CNTNAP5: variants seen among roughly 807,000 people sequenced by gnomAD.
CNTNAP5 encodes the protein contactin associated protein family member 5.
A neutral mutation model predicts 150.2 loss-of-function variants in CNTNAP5; 72 were observed. The ratio of observed to expected loss-of-function variants is 0.48; its 90% CI spans 0.40 to 0.58. The LOEUF (loss-of-function observed/expected upper bound fraction) is 0.58. Among genes scored for constraint, CNTNAP5 ranks in the 20% least tolerant of loss-of-function variants. CNTNAP5 has a pLI of 0.00. For missense variants in CNTNAP5, 1,636 were observed against 1,626.2 expected, an observed-to-expected ratio of 1.01 and a Z score of -0.10; for synonymous variants, 672 against 619.8, an observed-to-expected ratio of 1.08 and a Z score of -1.25.
At chr2:124,207,269 G>C (rs989064198) in intron 1 of CNTNAP5, among the ~76,000 whole-genome samples, 2 of 152,174 alleles carry the variant, frequency 1.3e-5, no homozygotes, top group African/African-American at 4.8e-5. Flanking sequence ...AACCACTTGA[G>C]ATGGAGCTAA....
At chr2:124,276,317 A>T (rs1687882832) in intron 3 of CNTNAP5, among the ~76,000 whole-genome samples, 1 of 152,210 alleles carries the variant, frequency 6.6e-6, no homozygotes, top group African/African-American at 2.4e-5. Context: ...ATATGAAATG[A>T]TGTAAAAACA....
At chr2:124,118,799 T>TA (rs1171727017) in intron 1 of CNTNAP5, among the ~76,000 whole-genome samples, 4 of 152,132 alleles carry the variant, frequency 2.6e-5, no homozygotes, top group East Asian at 1.9e-4. Context: ...ACCCACATGC[T>TA]AAAAAAAGTC....
chr2:124,567,554 T>A (rs1387130208), intron 11 of CNTNAP5, among the ~76,000 whole-genome samples: 1 of 152,220 alleles, frequency 6.6e-6, no homozygotes, highest in Non-Finnish European at 1.5e-5. Flanking sequence ...CAAAGTGGTA[T>A]CCTATTCTCC....
chr2:124,260,958 T>C (rs1221211596), intron 3 of CNTNAP5, among the ~76,000 whole-genome samples: 2 of 152,164 alleles, frequency 1.3e-5, no homozygotes, highest in African/African-American at 4.8e-5. Flanking sequence ...TTATTCCCTT[T>C]TAATATGTCA....
At chr2:124,076,239 G>A (rs1169290812) in intron 1 of CNTNAP5, among the ~76,000 whole-genome samples, 4 of 152,062 alleles carry the variant, frequency 2.6e-5, no homozygotes, top group Non-Finnish European at 5.9e-5. Flanking sequence ...TGTGATCTCT[G>A]TCAATTAAGC....
At chr2:124,830,059 G>A (rs1573645600) in intron 19 of CNTNAP5, among the ~76,000 whole-genome samples, 1 of 151,324 alleles carries the variant, frequency 6.6e-6, no homozygotes, top group Non-Finnish European at 1.5e-5. Flanking sequence ...GTGATTTATA[G>A]CAATAACATA....
chr2:124,318,886 G>C (rs1689032823), intron 3 of CNTNAP5, among the ~76,000 whole-genome samples: 4 of 151,998 alleles, frequency 2.6e-5, no homozygotes, highest in Admixed American at 2.6e-4. Flanking sequence ...CACCTACTGG[G>C]TCCTTGTGTT....
At position 124,742,841 on chromosome 2, in the gene CNTNAP5, G is replaced by T. The variant is rs1057064309; in HGVS notation, c.2078-4388G>T. On this transcript the variant is annotated intron_variant, in intron 13 of 23. Transcript: ENST00000682447. ...GTGGCTGCTACTGGGAGTTCCTGGA[G>T]GAGTCTCCCATCAGGTCCCAGTCCT... 2.6e-5 allele frequency among the ~76,000 whole-genome samples: 4 copies of T among 152,016 alleles called. No homozygotes were observed. In the East Asian group the frequency reaches 5.8e-4, roughly 22 times the overall value.
At chr2:124,098,762 C>T (rs2043885) in intron 1 of CNTNAP5, among the ~76,000 whole-genome samples, 58,711 of 151,824 alleles carry the variant, frequency 0.39, 12,035 homozygotes, top group Admixed American at 0.49. Flanking sequence ...TGATAAGATG[C>T]CAGCTTGAGA....
At chr2:124,291,806 A>T (rs1688301880) in intron 3 of CNTNAP5, among the ~76,000 whole-genome samples, 1 of 152,200 alleles carries the variant, frequency 6.6e-6, no homozygotes, top group Non-Finnish European at 1.5e-5. Flanking sequence ...GGACAAAACC[A>T]CATTCACAGT....
At position 124,902,993 on chromosome 2, in the gene CNTNAP5, A is replaced by G; in HGVS notation, c.3548A>G (p.His1183Arg). 6.2e-7 allele frequency: 1 copy of G among 1,612,680 alleles called. No homozygotes were observed. The highest frequency in any genetic ancestry group is 8.5e-7 in the Non-Finnish European group (1 of 1,179,322). ...GCACCACTGAAGGCTGCCCTGCGCC[A>G]TGCCACTGTCGCGCCTGTGACTGTC... is the stretch of plus-strand genomic sequence containing the variant. Reference protein sequence around the residue: ...HIAPLKAALRHATVAPVTVHG... With the variant: ...HIAPLKAALRRATVAPVTVHG... Residue 1183 changes from histidine (H) to arginine (R), a missense_variant, in exon 22 of 24, where the codon CAT becomes CGT. Transcript: ENST00000682447.
intron 10 of CNTNAP5, among the ~76,000 whole-genome samples, chr2:124,555,603 T>TG (rs1695735091): frequency 6.6e-6 from 1 of 152,204 alleles, no homozygotes; most frequent in Non-Finnish European, 1.5e-5. Flanking sequence ...TGATTTTATT[T>TG]GGCTTGCAAT....
At chr2:124,574,210 A>G (rs1394270393) in intron 11 of CNTNAP5, among the ~76,000 whole-genome samples, 3 of 152,008 alleles carry the variant, frequency 2.0e-5, no homozygotes, top group East Asian at 3.9e-4. Context: ...GACGGGGGAT[A>G]CTCCTGCATG....
intron 19 of CNTNAP5, among the ~76,000 whole-genome samples, chr2:124,800,508 G>C (rs1459190592): frequency 2.6e-5 from 4 of 152,186 alleles, no homozygotes; most frequent in Non-Finnish European, 5.9e-5. Flanking sequence ...AAATCTCACA[G>C]CAAGTAAGAA....
Position 124,773,112 on chromosome 2 carries a change from G to A in CNTNAP5, c.2752+95G>A, listed in dbSNP as rs1027174531. ...AAATTCTCTTTTATCTGAGATCTGG[G>A]ATATGATCAAAATGTCATAAATCAT... On this transcript the variant is annotated intron_variant, in intron 17 of 23. Coordinates refer to ENST00000682447, the MANE Select transcript of CNTNAP5 (RefSeq NM_001367498.1). The A allele has an allele frequency of 5.6e-6, 5 of 891,124 alleles. No individual in the cohort carries two copies. In the African/African-American group the frequency reaches 6.6e-5, roughly 12 times the overall value. 55.2% of individuals were successfully genotyped at this position (891,124 alleles called of 1,614,324 possible). A position where few individuals can be genotyped will look rare whatever the true frequency, so the allele number is the denominator to read the frequency against.
At chr2:124,253,572 C>T (rs1478177172) in intron 3 of CNTNAP5, among the ~76,000 whole-genome samples, 1 of 152,088 alleles carries the variant, frequency 6.6e-6, no homozygotes, top group Non-Finnish European at 1.5e-5. Context: ...ATCAGCAGGA[C>T]CTCAGATAAA....
intron 3 of CNTNAP5, among the ~76,000 whole-genome samples, chr2:124,342,819 A>G (rs1179657599): frequency 6.6e-6 from 1 of 151,348 alleles, no homozygotes; most frequent in African/African-American, 2.4e-5. Context: ...AGAATCAGCA[A>G]TGTTTCAAAC....
chr2:124,575,776 G>A (rs1211486479), intron 11 of CNTNAP5, among the ~76,000 whole-genome samples: 2 of 152,058 alleles, frequency 1.3e-5, no homozygotes, highest in Non-Finnish European at 2.9e-5. Flanking sequence ...AACCAGGTCT[G>A]GAATATTACT....
intron 11 of CNTNAP5, among the ~76,000 whole-genome samples, chr2:124,603,546 A>T (rs1697032618): frequency 6.6e-6 from 1 of 152,168 alleles, no homozygotes; most frequent in African/African-American, 2.4e-5. Flanking sequence ...CTAAAGGATG[A>T]TTTTCAAATT....
Sources: gnomAD v4.1 joint callset for allele counts (sites outside exome capture counted in the v4.1 genomes callset) on GRCh38, gnomAD v4.1.1 for gene constraint, MANE v1.5 for transcripts, NCBI Gene and HGNC (gene_info 2026-07-23, HGNC 2026-07-21) for gene names.